PRR16: variants seen among roughly 807,000 people sequenced by gnomAD.
PRR16 encodes the protein proline rich 16, also known as protein Largen.
In PRR16, 6 loss-of-function variants were observed where a neutral mutation model predicts 18.2. That is an observed-to-expected ratio of 0.33 (90% confidence interval 0.18 to 0.65). The LOEUF is 0.65. Among genes scored for constraint, PRR16 ranks in the 30% least tolerant of loss-of-function variants. The pLI is 0.74. For synonymous variants in PRR16, 151 were observed against 147.8 expected (o/e 1.02, Z -0.16); for missense variants, 412 against 376.6 (o/e 1.09, Z -0.78).
intron 1 of PRR16, among the ~76,000 whole-genome samples, chr5:120,647,776 A>G (rs1755647427): frequency 1.3e-5 from 2 of 152,062 alleles, no homozygotes; most frequent in South Asian, 2.1e-4. Context: ...TCCACATGTC[A>G]AGCCTCATCT....
At chr5:120,465,968 C>A (rs1749066802) in intron 1 of PRR16, among the ~76,000 whole-genome samples, 1 of 152,144 alleles carries the variant, frequency 6.6e-6, no homozygotes, top group African/African-American at 2.4e-5. Flanking sequence ...ATGAACTGAA[C>A]TCTGCATTTG....
chr5:120,654,199 G>A (rs1755889152), intron 1 of PRR16, among the ~76,000 whole-genome samples: 1 of 152,010 alleles, frequency 6.6e-6, no homozygotes, highest in Admixed American at 6.6e-5. Context: ...CATGATGGCT[G>A]CAAGTCATCT....
chr5:120,568,222 C>A (rs1752796420), intron 1 of PRR16, among the ~76,000 whole-genome samples: 1 of 152,086 alleles, frequency 6.6e-6, no homozygotes, highest in Admixed American at 6.6e-5. Context: ...AGATACATGA[C>A]CCTAGTAAGC....
At chr5:120,503,761 G>T (rs192044471) in intron 1 of PRR16, among the ~76,000 whole-genome samples, 3,447 of 150,878 alleles carry the variant, frequency 0.023, 51 homozygotes, top group Admixed American at 0.031. Flanking sequence ...TTAGCATTAG[G>T]TATATCTCCT....
the PRR16 span, among the ~76,000 whole-genome samples, chr5:120,747,263 T>G: frequency 3.9e-5 from 6 of 152,312 alleles, no homozygotes; most frequent in South Asian, 1.2e-3. Flanking sequence ...CGTTTAACAG[T>G]TGATTAACTG....
intron 1 of PRR16, among the ~76,000 whole-genome samples, chr5:120,551,367 G>A (rs914726665): frequency 6.6e-6 from 1 of 151,904 alleles, no homozygotes; most frequent in African/African-American, 2.4e-5. Flanking sequence ...TTTATAGTCA[G>A]ATGAGCTTAA....
chr5:120,778,357 T>C, the PRR16 span, among the ~76,000 whole-genome samples: 5 of 152,188 alleles, frequency 3.3e-5, no homozygotes, highest in Admixed American at 6.5e-5. Context: ...CACCATTCTA[T>C]TGTAGTTGGA....
the PRR16 span, among the ~76,000 whole-genome samples, chr5:120,746,572 C>G: frequency 1.1e-4 from 17 of 152,116 alleles, no homozygotes; most frequent in African/African-American, 3.4e-4. Context: ...ACATGAAACA[C>G]TGGATTAGTA....
chr5:120,779,193 G>A, the PRR16 span, among the ~76,000 whole-genome samples: 3 of 152,100 alleles, frequency 2.0e-5, no homozygotes, highest in Admixed American at 6.5e-5. Context: ...ATTTCACAGC[G>A]CTCTCCAATC....
intron 1 of PRR16, among the ~76,000 whole-genome samples, chr5:120,507,704 C>A (rs1200727132): frequency 6.6e-6 from 1 of 151,422 alleles, no homozygotes; most frequent in Admixed American, 6.6e-5. Flanking sequence ...ATTTTCTTAC[C>A]AACAACTGCT....
At chr5:120,487,823 A>T (rs1291086080) in intron 1 of PRR16, among the ~76,000 whole-genome samples, 17 of 152,094 alleles carry the variant, frequency 1.1e-4, no homozygotes, top group African/African-American at 4.1e-4. Context: ...ATACGTCCCA[A>T]CAGTACCGAA....
At chr5:120,602,982 A>T (rs1250206131) in intron 1 of PRR16, among the ~76,000 whole-genome samples, 1 of 151,902 alleles carries the variant, frequency 6.6e-6, no homozygotes, top group African/African-American at 2.4e-5. Flanking sequence ...TTTGTTGAGG[A>T]TGTTTGCATC....
chr5:120,667,009 G>T (rs1168989377), intron 1 of PRR16, among the ~76,000 whole-genome samples: 2 of 149,870 alleles, frequency 1.3e-5, no homozygotes, highest in Non-Finnish European at 3.0e-5. Flanking sequence ...TTTTTCTATT[G>T]ATTGGAATAG....
In PRR16 at chr5:120,563,723, A is replaced by C. The variant is rs374342512; in HGVS notation, c.159+99078A>C. Among the ~76,000 whole-genome samples the C allele has an allele frequency of 5.9e-5, 9 of 152,144 alleles. No individual in the cohort carries two copies. The East Asian group carries it at 1.7e-3, about 29-fold the overall frequency. On this transcript the variant is annotated intron_variant, in intron 1 of 1. Coordinates refer to ENST00000407149, the MANE Select transcript of PRR16 (RefSeq NM_001300783.2). The stretch of plus-strand genomic sequence containing the variant: ...GATCCAAATGCCTGCCTATTGCTCT[A>C]CCCCACTGTGGCTGAGCTGCTATCT...
chr5:120,751,696 A>G, the PRR16 span, among the ~76,000 whole-genome samples: 1 of 152,114 alleles, frequency 6.6e-6, no homozygotes, highest in East Asian at 1.9e-4. Context: ...TTCTGACCTT[A>G]TAAGTTTATG....
rs73257960 is a variant in PRR16, at chr5:120,644,051, C to T, written c.160-41903C>T. Among the ~76,000 whole-genome samples, 1,372 of 152,070 alleles carry T rather than the reference C, an allele frequency of 9.0e-3. 19 individuals are homozygous for T. Among genetic ancestry groups the T allele is most frequent in the African/African-American group, 0.029 (1,200 of 41,526 alleles). ...AAGGCTGATGCCCTTTAGATGAGGACGTAGAACTCCCTGGATAGAGCTCAA... is the reference window on the plus strand; with the variant it reads ...AAGGCTGATGCCCTTTAGATGAGGATGTAGAACTCCCTGGATAGAGCTCAA... On this transcript the variant is annotated intron_variant, in intron 1 of 1. Transcript: ENST00000407149.
At chr5:120,472,726 G>C (rs990585610) in intron 1 of PRR16, among the ~76,000 whole-genome samples, 1 of 152,014 alleles carries the variant, frequency 6.6e-6, no homozygotes, top group South Asian at 2.1e-4. Flanking sequence ...TTATGTAGGG[G>C]AAAAAAATGA....
At chr5:120,772,508 T>C in the PRR16 span, among the ~76,000 whole-genome samples, 1 of 152,150 alleles carries the variant, frequency 6.6e-6, no homozygotes, top group Non-Finnish European at 1.5e-5. Context: ...TATGTATTAT[T>C]AATAAACTCA....
intron 1 of PRR16, among the ~76,000 whole-genome samples, chr5:120,673,837 C>T (rs1286935753): frequency 1.3e-5 from 2 of 151,926 alleles, no homozygotes; most frequent in East Asian, 1.9e-4. Flanking sequence ...TGCCTGTAAT[C>T]CCAACTACTC....
Sources: gnomAD v4.1 joint callset for allele counts (sites outside exome capture counted in the v4.1 genomes callset) on GRCh38, gnomAD v4.1.1 for gene constraint, MANE v1.5 for transcripts, NCBI Gene and HGNC (gene_info 2026-07-23, HGNC 2026-07-21) for gene names.